THADA: variants seen among roughly 807,000 people sequenced by gnomAD.
THADA encodes tRNA (32-2'-O)-methyltransferase regulator THADA.
Under a neutral mutation model 219.8 loss-of-function variants are expected in THADA, and 213 were observed. The observed-to-expected ratio is 0.97, with a 90% CI of 0.87 to 1.09. The LOEUF is 1.09. THADA is among the 50% of genes least tolerant of loss of function. THADA has a pLI of 0.00. For missense variants in THADA, 2,956 were observed against 2,311.3 expected (o/e 1.28, Z -5.72); for synonymous variants, 1,018 against 828.9 (o/e 1.23, Z -3.92).
chr2:43,416,138 A>G (rs1573539447), intron 28 of THADA, among the ~76,000 whole-genome samples: 1 of 152,334 alleles, frequency 6.6e-6, no homozygotes, highest in East Asian at 1.9e-4. Context: ...AGCTGAGCAA[A>G]AGGGATTCTC....
intron 20 of THADA, among the ~76,000 whole-genome samples, chr2:43,547,585 A>G (rs1383993186): frequency 6.6e-6 from 1 of 151,936 alleles, no homozygotes; most frequent in Non-Finnish European, 1.5e-5. Flanking sequence ...TTTTTTCTCT[A>G]AACCTCCCTT....
intron 15 of THADA, chr2:43,563,431 C>A (rs191476676): frequency 6.6e-6 from 1 of 152,158 alleles, no homozygotes. Context: ...ATACTTTTCA[C>A]AGAACTTATC....
At chr2:43,395,472 CA>C (rs1673913961) in intron 29 of THADA, among the ~76,000 whole-genome samples, 1 of 150,808 alleles carries the variant, frequency 6.6e-6, no homozygotes, top group Non-Finnish European at 1.5e-5. Flanking sequence ...GATGAGTGCT[CA>C]AGAGTTTATA....
At chr2:43,324,419 T>C (rs1310186028) in intron 30 of THADA, among the ~76,000 whole-genome samples, 1 of 152,146 alleles carries the variant, frequency 6.6e-6, no homozygotes, top group Non-Finnish European at 1.5e-5. Flanking sequence ...CAAATGCTGC[T>C]GCTTTGGATT....
At chr2:43,548,833 T>C (rs964426060) in intron 20 of THADA, among the ~76,000 whole-genome samples, 12 of 152,260 alleles carry the variant, frequency 7.9e-5, no homozygotes, top group African/African-American at 2.9e-4. Context: ...AGTGAGGCAA[T>C]GCCTCGCCCT....
chr2:43,278,157 G>A lies in THADA; in HGVS notation c.5296+1608C>T, dbSNP rs547104469. 5.3e-5 allele frequency among the ~76,000 whole-genome samples: 8 copies of A among 152,040 alleles called. No individual in the cohort carries two copies. The South Asian group carries it at 1.7e-3, about 32-fold the overall frequency. On this transcript the variant is annotated intron_variant, in intron 36 of 37. Transcript: ENST00000405975. ...GTAGAGATGGGGTTTCACCATATTG[G>A]CCAGGCTAGTCTTGAACTTCTGACC...
chr2:43,304,584 TC>T (rs1485489284), intron 31 of THADA, among the ~76,000 whole-genome samples: 1 of 152,170 alleles, frequency 6.6e-6, no homozygotes, highest in African/African-American at 2.4e-5. Flanking sequence ...ACATAACTGT[TC>T]TAAAGTTTTC....
intron 30 of THADA, chr2:43,343,781 AAG>A (rs1334539276): frequency 1.7e-5 from 3 of 181,722 alleles, no homozygotes; most frequent in Admixed American, 1.1e-4. Context: ...CACGGCACCT[AAG>A]AGTCTGTACC....
intron 28 of THADA, among the ~76,000 whole-genome samples, chr2:43,401,929 G>T (rs1461036856): frequency 2.7e-5 from 4 of 146,672 alleles, no homozygotes; most frequent in Non-Finnish European, 4.6e-5. Flanking sequence ...TAAATGAGTG[G>T]TTTTTTGTTG....
At chr2:43,434,093 G>C (rs1369462191) in intron 26 of THADA, among the ~76,000 whole-genome samples, 1 of 152,062 alleles carries the variant, frequency 6.6e-6, no homozygotes, top group Non-Finnish European at 1.5e-5. Flanking sequence ...CACCCAGATA[G>C]CTAAAAAAAA....
intron 21 of THADA, among the ~76,000 whole-genome samples, chr2:43,533,254 G>C (rs1352369689): frequency 6.6e-6 from 1 of 152,186 alleles, no homozygotes; most frequent in Non-Finnish European, 1.5e-5. Context: ...TGCTGGAGAG[G>C]ATGTGGAGAA....
At chr2:43,261,298 A>G (rs553064066) in intron 36 of THADA, among the ~76,000 whole-genome samples, 1 of 136,158 alleles carries the variant, frequency 7.3e-6, no homozygotes, top group East Asian at 2.1e-4. Context: ...ATCTCGGCTC[A>G]CTGCAACTTC....
intron 19 of THADA, 117 bp from the exon 20 acceptor site, chr2:43,549,485 A>G (rs1696497203): frequency 9.7e-7 from 1 of 1,029,776 alleles, no homozygotes; most frequent in Non-Finnish European, 1.4e-6. Flanking sequence ...CAGCTTTATT[A>G]GAAGGGACTC....
intron 36 of THADA, among the ~76,000 whole-genome samples, chr2:43,276,527 G>A (rs554585024): frequency 1.2e-4 from 19 of 152,322 alleles, no homozygotes; most frequent in Admixed American, 6.5e-4. Flanking sequence ...GAGGAAGTCT[G>A]AATGACTGCA....
chr2:43,563,052 G>T (rs1252346854), intron 15 of THADA: 1 of 152,006 alleles, frequency 6.6e-6, no homozygotes, highest in Admixed American at 6.6e-5. Flanking sequence ...TTGTTTTTCT[G>T]TTTTCTATTT....
chr2:43,440,128 A>T (rs72881041), intron 26 of THADA, among the ~76,000 whole-genome samples: 2,858 of 152,264 alleles, frequency 0.019, 43 homozygotes, highest in African/African-American at 0.047. Context: ...CAGCTTTCCT[A>T]TTTTAAAAAA....
intron 28 of THADA, among the ~76,000 whole-genome samples, chr2:43,419,157 T>C (rs1558730834): frequency 6.6e-6 from 1 of 152,156 alleles, no homozygotes; most frequent in South Asian, 2.1e-4. Context: ...GGGTGTTGGG[T>C]TGGGCAAGGG....
chr2:43,548,127 C>T (rs1189022994), intron 20 of THADA, among the ~76,000 whole-genome samples: 1 of 152,166 alleles, frequency 6.6e-6, no homozygotes, highest in Non-Finnish European at 1.5e-5. Flanking sequence ...TGCTAGAGGT[C>T]CACTCCAGAC....
intron 34 of THADA, among the ~76,000 whole-genome samples, chr2:43,289,187 T>C (rs1329934049): frequency 6.6e-6 from 1 of 152,256 alleles, no homozygotes; most frequent in African/African-American, 2.4e-5. Context: ...ATTGTATGGA[T>C]ACATTACATT....
Sources: allele counts gnomAD v4.1 joint callset (sites outside exome capture counted in the v4.1 genomes callset), GRCh38; gene constraint gnomAD v4.1.1; transcripts MANE v1.5; gene names NCBI Gene and HGNC (gene_info 2026-07-23, HGNC 2026-07-21).